Variants in ISLR2 observed in about 807,000 individuals in gnomAD.
ISLR2 encodes the protein immunoglobulin superfamily containing leucine-rich repeat protein 2.
ISLR2 carries 16 observed loss-of-function variants against 25.5 expected under a neutral mutation model. That is an observed-to-expected ratio of 0.63 (90% confidence interval 0.43 to 0.95). The LOEUF (loss-of-function observed/expected upper bound fraction) is 0.95. Ranked by LOEUF, ISLR2 falls within the 40% of genes least tolerant of loss-of-function variation. The probability of loss-of-function intolerance (pLI) is 0.00; values close to 1 mark genes in which losing one functional copy is unlikely to be tolerated. For synonymous variants in ISLR2, 508 were observed against 486.6 expected (o/e 1.04, Z -0.58); for missense variants, 883 against 1,030.7 (o/e 0.86, Z 1.96).
At position 74,133,013 on chromosome 15, in the gene ISLR2, G is replaced by T. The variant is rs1331390328; in HGVS notation, c.259G>T (p.Val87Leu). 2.5e-6 allele frequency: 4 copies of T among 1,613,198 alleles called. No homozygotes were observed. The African/African-American group carries it at 5.3e-5, about 22-fold the overall frequency. The change falls in exon 3 of 3, where the codon GTG (valine) becomes TTG (leucine). Residue 87 changes from valine to leucine, a missense_variant. Physicochemically the swap from Val to Leu is conservative, Grantham distance 32. Transcript: ENST00000453268. ...GTCGCTGTGGCTGGCGCACAATGAG[G>T]TGCGCACCGTGGAGCCAGGCGCACT... ...VTSLWLAHNE[V>L]RTVEPGALAV...
chr15:74,122,700 A>T (rs1254272038), intron 2 of ISLR2, among the ~76,000 whole-genome samples: 1 of 152,184 alleles, frequency 6.6e-6, no homozygotes, highest in Admixed American at 6.5e-5. Context: ...AAAACAGTCT[A>T]TTGAAAGCAA....
upstream of ISLR2, chr15:74,128,348 A>T (rs2072328362): frequency 6.2e-5 from 26 of 421,474 alleles, no homozygotes; most frequent in South Asian, 4.5e-4. Context: ...CCGGGAACAA[A>T]AGCATTTGCT....
At chr15:74,105,425 G>T (rs1384938827) in intron 2 of ISLR2, among the ~76,000 whole-genome samples, 1 of 35,202 alleles carries the variant, frequency 2.8e-5, no homozygotes, top group Non-Finnish European at 5.8e-5. Context: ...GAGGTGAGGG[G>T]CATCTCTCCA....
In ISLR2 at chr15:74,134,361, G is replaced by A. The variant is rs765610942; in HGVS notation, c.1607G>A (p.Gly536Glu). 1.9e-6 allele frequency: 3 copies of A among 1,600,210 alleles called. 1 individual carries two copies. The highest frequency in any genetic ancestry group is 2.2e-5 in the South Asian group (2 of 89,362). Residue 536 changes from glycine to glutamate, a missense_variant, in exon 3 of 3, where the codon GGG (glycine) becomes GAG (glutamate). Around this residue, in one of 2 missense-constraint regions of ISLR2, gnomAD observed 612 missense variants for 642.8 expected, o/e 0.95. Transcript: ENST00000453268. ...PLRLLYLCPA[G>E]GGAAVQWSRV... ...CGCCTACTCTATCTGTGTCCAGCGG[G>A]GGGCGGCGCGGCAGTGCAGTGGTCC...
upstream of ISLR2, chr15:74,129,021 G>T (rs575632729): frequency 4.4e-5 from 20 of 456,598 alleles, no homozygotes; most frequent in South Asian, 2.9e-4. This position sits in a 1 kb window ranked among gnomAD's most constrained non-coding sequence, Gnocchi z 4.5. Flanking sequence ...GCAGGGACGG[G>T]TCACAGTGCT....
chr15:74,134,156 G>C lies in ISLR2; in HGVS notation c.1402G>C (p.Val468Leu). The change falls in exon 3 of 3, where the codon GTT becomes CTT. Residue 468 changes from valine to leucine, a missense_variant. Val to Leu is a conservative substitution (Grantham distance 32). Around this residue, in one of 2 missense-constraint regions of ISLR2, gnomAD observed 612 missense variants for 642.8 expected, o/e 0.95. Coordinates refer to ENST00000453268, the MANE Select transcript of ISLR2 (RefSeq NM_020851.3). ...RCGNGDPSRY[V>L]SNHAFNQSAE... is the part of the protein sequence containing the mutation. The stretch of plus-strand genomic sequence containing the variant: ...TGGCAACGGGGACCCCTCTCGGTAC[G>C]TTTCTAACCACGCGTTCAACCAGAG... 1 of 1,613,362 alleles carries C rather than the reference G, an allele frequency of 6.2e-7. No homozygotes were observed. The highest frequency in any genetic ancestry group is 2.2e-5 in the East Asian group (1 of 44,832).
At chr15:74,138,077 C>A (rs971160305), downstream of ISLR2, among the ~76,000 whole-genome samples, 22 of 152,010 alleles carry the variant, frequency 1.4e-4, no homozygotes, top group African/African-American at 5.3e-4. Context: ...ATCCTTTAAC[C>A]TCCTCGTCTT....
intron 2 of ISLR2, among the ~76,000 whole-genome samples, chr15:74,117,439 G>T (rs761083917): frequency 2.6e-5 from 4 of 152,058 alleles, no homozygotes; most frequent in Non-Finnish European, 4.4e-5. Context: ...CCTACAATTT[G>T]GGAGGTTGCA....
At position 74,133,894 on chromosome 15, in the gene ISLR2, C is replaced by A. The variant is rs2072493419; in HGVS notation, c.1140C>A (p.His380Gln). 4 of 1,606,642 alleles carry A rather than the reference C, an allele frequency of 2.5e-6. No individual in the cohort carries two copies. Among genetic ancestry groups the A allele is most frequent in the Non-Finnish European group, 3.4e-6 (4 of 1,176,826 alleles). The part of the protein sequence containing the change: ...VAVAATGPPK[H>Q]APGAGGEPDG... ...TGGCAGCAACCGGGCCCCCAAAACACGCGCCTGGCGCCGGGGGAGAACCCG... is the reference window on the plus strand; with the variant it reads ...TGGCAGCAACCGGGCCCCCAAAACAAGCGCCTGGCGCCGGGGGAGAACCCG... Residue 380 changes from histidine to glutamine, a missense_variant, in exon 3 of 3, where the codon CAC (histidine) becomes CAA (glutamine). By Grantham distance (24) the His-to-Gln change is conservative. Coordinates refer to ENST00000453268, the MANE Select transcript of ISLR2 (RefSeq NM_020851.3).
chr15:74,122,258 C>G lies in ISLR2; in HGVS notation n.229-8949C>G, dbSNP rs577112538. Among the ~76,000 whole-genome samples, 4 of 152,372 alleles carry G rather than the reference C, an allele frequency of 2.6e-5. No individual in the cohort carries two copies. The East Asian group carries it at 7.7e-4, about 29-fold the overall frequency. On this transcript the variant is annotated intron_variant and non_coding_transcript_variant, in intron 2 of 3. Coordinates refer to the ISLR2 transcript ENST00000561975. ...ATAGAGGACCTCCAGGCCCCAAACTCTGATGCTGGGTGACTCTCTGATCCT... is the reference window on the plus strand; with the variant it reads ...ATAGAGGACCTCCAGGCCCCAAACTGTGATGCTGGGTGACTCTCTGATCCT...
intron 2 of ISLR2, among the ~76,000 whole-genome samples, chr15:74,119,139 T>C (rs539437045): frequency 3.5e-4 from 54 of 152,190 alleles, no homozygotes; most frequent in Non-Finnish European, 6.2e-4. Context: ...TTTAAAAATA[T>C]ATAATAAATT....
intron 2 of ISLR2, among the ~76,000 whole-genome samples, chr15:74,109,070 G>A (rs952989671): frequency 3.3e-5 from 5 of 152,208 alleles, no homozygotes; most frequent in African/African-American, 1.2e-4. Flanking sequence ...TAAAAATTAA[G>A]AAATATAGAA....
chr15:74,113,307 C>A (rs1461207603), intron 2 of ISLR2, among the ~76,000 whole-genome samples: 3 of 152,152 alleles, frequency 2.0e-5, no homozygotes, highest in Non-Finnish European at 4.4e-5. Flanking sequence ...CACACCACCA[C>A]ACCCAACTCA....
At chr15:74,109,426 G>A (rs74360938) in intron 2 of ISLR2, among the ~76,000 whole-genome samples, 2 of 152,146 alleles carry the variant, frequency 1.3e-5, no homozygotes, top group Non-Finnish European at 2.9e-5. Context: ...ACTCAGAACC[G>A]CCACGTGGAG....
At chr15:74,121,211 C>T (rs888564203) in intron 2 of ISLR2, among the ~76,000 whole-genome samples, 14 of 152,256 alleles carry the variant, frequency 9.2e-5, no homozygotes, top group African/African-American at 2.9e-4. Flanking sequence ...CTTGCCTGCA[C>T]GGGGCTACCA....
Position 74,134,235 on chromosome 15 carries a change from C to G in ISLR2, c.1481C>G (p.Ala494Gly). ...CTGGGCGTCATCGCGCTGGATGTGG[C>G]GGAGCGCGAGGCGCGGGTGCAGCTG... The part of the protein sequence containing the change: ...FELGVIALDV[A>G]EREARVQLTP... Residue 494 changes from alanine (A) to glycine (G), a missense_variant, in exon 3 of 3, where the codon GCG becomes GGG. By Grantham distance (60) the Ala-to-Gly change is moderately conservative. This residue lies in a region of ISLR2 where 612 missense variants were observed against 642.8 expected (regional missense o/e 0.95). Transcript: ENST00000453268. 5.0e-6 allele frequency: 8 copies of G among 1,595,712 alleles called. No individual in the cohort carries two copies. Among genetic ancestry groups the G allele is most frequent in the Non-Finnish European group, 6.8e-6 (8 of 1,171,424 alleles).
rs2072560302 is a variant in ISLR2 at position 74,136,064 on chromosome 15, G to GT, written c.*1073dup. On this transcript the variant is annotated 3_prime_UTR_variant, in exon 3 of 3. Transcript: ENST00000453268. ...CCTTCCCAGCCTCTGGGAAAATCGA[G>GT]TGTGTGTGTCGGGGGGTAGGGAGGG... 1 of 166,940 alleles carries GT rather than the reference G, an allele frequency of 6.0e-6. No homozygotes were observed. Among genetic ancestry groups the GT allele is most frequent in the African/African-American group, 2.4e-5 (1 of 41,482 alleles). 10.3% of individuals were successfully genotyped at this position (166,940 alleles called of 1,614,324 possible).
intron 1 of ISLR2, among the ~76,000 whole-genome samples, chr15:74,102,149 T>G (rs1293770570): frequency 1.9e-5 from 2 of 106,732 alleles, no homozygotes; most frequent in Admixed American, 1.0e-4. Context: ...ACCCGGGAGG[T>G]GGGGGTTGCA....
In ISLR2 at chr15:74,133,981, G is replaced by A. The variant is rs765892852; in HGVS notation, c.1227G>A (p.Leu409=). The change falls in exon 3 of 3, where the codon CTG becomes CTA. Residue 409 remains leucine, a synonymous_variant. Coordinates refer to ENST00000453268, the MANE Select transcript of ISLR2 (RefSeq NM_020851.3). The stretch of plus-strand genomic sequence containing the variant: ...CCAAGGGCCGGGGCAACAGCGTCCT[G>A]CCTTCCAAACCCGAGGGCAAAATCA... ...STAKGRGNSV[L]PSKPEGKIKG... 9 of 1,611,098 alleles carry A rather than the reference G, an allele frequency of 5.6e-6. No homozygotes were observed. Among genetic ancestry groups the A allele is most frequent in the Non-Finnish European group, 7.6e-6 (9 of 1,178,720 alleles).
Sources: gnomAD v4.1 joint callset for allele counts (sites outside exome capture counted in the v4.1 genomes callset) on GRCh38, gnomAD v4.1.1 for gene constraint, gnomAD v4.1.1 regional missense constraint, Gnocchi (gnomAD v3.1) non-coding constraint, MANE v1.5 for transcripts, NCBI Gene and HGNC (gene_info 2026-07-23, HGNC 2026-07-21) for gene names.